The following KCNH4 variants were observed in gnomAD, a reference collection of about 807,000 sequenced individuals.
The protein encoded by KCNH4 is potassium voltage-gated channel subfamily H member 4.
Under a neutral mutation model 90.7 loss-of-function variants are expected in KCNH4, and 33 were observed. The observed-to-expected ratio is 0.36, with a 90% confidence interval of 0.28 to 0.49. The LOEUF (loss-of-function observed/expected upper bound fraction) is 0.49. Ranked by LOEUF, KCNH4 falls within the 20% of genes least tolerant of loss-of-function variation. KCNH4 has a pLI of 0.98. For missense variants in KCNH4, 1,044 were observed against 1,387.1 expected (o/e 0.75, Z 3.93); for synonymous variants, 551 against 581.7 (o/e 0.95, Z 0.76).
Position 42,163,239 on chromosome 17 carries a change from G to A in KCNH4, c.2573C>T (p.Ala858Val), listed in dbSNP as rs752782421. 3.1e-6 allele frequency: 5 copies of A among 1,612,998 alleles called. No individual in the cohort carries two copies. Among genetic ancestry groups the A allele is most frequent in the Non-Finnish European group, 4.2e-6 (5 of 1,178,998 alleles). The change falls in exon 14 of 17, where the codon GCG becomes GTG. Residue 858 changes from alanine to valine, a missense_variant. Transcript: ENST00000264661. This position sits in a 1 kb window ranked among gnomAD's most constrained non-coding sequence, Gnocchi z 5.4. ...RPELPRPRSQ[A>V]PPTGTRPSPE... ...CTGTTGGCCCTTACCTGTAGGGGGC[G>A]CCTGGGAGCGGGGCCTTGGCAGTTC...
chr17:42,181,114 T>G lies in KCNH4; in HGVS notation c.-169A>C. 2 of 599,184 alleles carry G rather than the reference T, an allele frequency of 3.3e-6. No homozygotes were observed. The highest frequency in any genetic ancestry group is 4.1e-5 in the South Asian group (2 of 48,890). 37.1% of individuals were successfully genotyped at this position (599,184 alleles called of 1,614,324 possible). A position where few individuals can be genotyped will look rare whatever the true frequency, so the allele number is the denominator to read the frequency against. On this transcript the variant is annotated 5_prime_UTR_variant, in exon 1 of 17. Transcript: ENST00000264661. ...CTGCCTCTGCTCCGAACCCCGTAGCTCTCGGCTCGGCTCAGCGCCGTTTCG... is the reference window on the plus strand; with the variant it reads ...CTGCCTCTGCTCCGAACCCCGTAGCGCTCGGCTCGGCTCAGCGCCGTTTCG...
Position 42,169,770 on chromosome 17 carries a change from G to A in KCNH4, c.1391-94C>T, listed in dbSNP as rs944162272. 5.5e-5 allele frequency: 73 copies of A among 1,331,882 alleles called. No individual in the cohort carries two copies. In the African/African-American group the frequency reaches 7.3e-4, roughly 13 times the overall value. 82.5% of individuals were successfully genotyped at this position (1,331,882 alleles called of 1,614,324 possible). A position where few individuals can be genotyped will look rare whatever the true frequency, so the allele number is the denominator to read the frequency against. On this transcript the variant is annotated intron_variant, in intron 8 of 16. Coordinates refer to ENST00000264661, the MANE Select transcript of KCNH4 (RefSeq NM_012285.3). The stretch of plus-strand genomic sequence containing the variant: ...ACCCTGTCCTGGACCAAGAGCCAGC[G>A]GGCTCCTGTGTGCCTACCAGGTGCC...
chr17:42,174,880 A>G (rs1411729624), intron 6 of KCNH4, among the ~76,000 whole-genome samples: 1 of 151,956 alleles, frequency 6.6e-6, no homozygotes, highest in Non-Finnish European at 1.5e-5. Context: ...TGCTCCCCCA[A>G]ATGCTTGCTG....
intron 7 of KCNH4, 121 bp downstream of exon 7, chr17:42,171,667 G>T (rs911342688): frequency 1.2e-5 from 11 of 920,966 alleles, no homozygotes; most frequent in Admixed American, 1.8e-5. Context: ...AGAGCTCAAC[G>T]CATGTTTGTT....
chr17:42,169,787 C>T (rs2079814369), intron 8 of KCNH4, 111 bp from the exon 9 acceptor site: 7 of 1,073,334 alleles, frequency 6.5e-6, no homozygotes, highest in African/African-American at 3.1e-5. Context: ...TGTGTGCCTA[C>T]CAGGTGCCAG....
intron 6 of KCNH4, among the ~76,000 whole-genome samples, chr17:42,173,815 C>T (rs1219649031): frequency 1.3e-5 from 2 of 150,488 alleles, no homozygotes; most frequent in African/African-American, 2.5e-5. Flanking sequence ...ATTCTCCTGC[C>T]TCAGCCTCCC....
chr17:42,169,950 C>T (rs1158114577), intron 8 of KCNH4, among the ~76,000 whole-genome samples, 157 bp downstream of exon 8: 1 of 152,240 alleles, frequency 6.6e-6, no homozygotes, highest in Admixed American at 6.5e-5. Flanking sequence ...AGGGCCAGCA[C>T]ATAGTGGGCA....
Position 42,176,204 on chromosome 17 carries a change from C to A in KCNH4, c.679G>T (p.Ala227Ser). The A allele has an allele frequency of 6.2e-7, 1 of 1,613,794 alleles. No individual in the cohort carries two copies. Among genetic ancestry groups the A allele is most frequent in the Non-Finnish European group, 8.5e-7 (1 of 1,179,916 alleles). The change falls in exon 5 of 17, where the codon GCC (alanine) becomes TCC (serine). Residue 227 changes from alanine to serine, a missense_variant. By Grantham distance (99) the Ala-to-Ser change is moderately conservative. Around this residue, in one of 4 missense-constraint regions of KCNH4, gnomAD observed 283 missense variants for 378.6 expected, o/e 0.75. Transcript: ENST00000264661. ...AGGAGGATAAGGCCGTCCCAGATGG[C>A]CTTGGAGACGCTGTAGTGGAGGAGG... ...CLLLHYSVSK[A>S]IWDGLILLAT...
In KCNH4 at chr17:42,180,485, G is replaced by T. The variant is rs1474615764; in HGVS notation, c.76+385C>A. 6.6e-6 allele frequency among the ~76,000 whole-genome samples: 1 copy of T among 152,102 alleles called. No homozygotes were observed. The highest frequency in any genetic ancestry group is 2.4e-5 in the African/African-American group (1 of 41,424). ...TCCTTTTTTTCTGGAGGTAGTGGGA[G>T]CTGGAGTCTGTGAGTAGACCCCAGA... is the stretch of plus-strand genomic sequence containing the variant. On this transcript the variant is annotated intron_variant, in intron 1 of 16. Transcript: ENST00000264661. This position sits in a 1 kb window ranked among gnomAD's most constrained non-coding sequence, Gnocchi z 4.7.
rs1262349645 is a variant in KCNH4 at position 42,169,660 on chromosome 17, C to T, written c.1407G>A (p.Val469=). 6.2e-7 allele frequency: 1 copy of T among 1,613,820 alleles called. No individual in the cohort carries two copies. The highest frequency in any genetic ancestry group is 8.5e-7 in the Non-Finnish European group (1 of 1,179,970). Reference sequence around the variant, plus strand: ...TGATGGCTGTCACGTTCCCGAACACCACAGCGTGCATCAGGGCTGCAGCAG... The same window carrying T: ...TGATGGCTGTCACGTTCCCGAACACTACAGCGTGCATCAGGGCTGCAGCAG... ...TMLIGALMHA[V]VFGNVTAIIQ... is the part of the protein sequence containing the mutation. Residue 469 remains valine (V), a synonymous_variant, in exon 9 of 17, where the codon GTG becomes GTA. Coordinates refer to ENST00000264661, the MANE Select transcript of KCNH4 (RefSeq NM_012285.3).
chr17:42,171,669 A>G (rs2079827676), intron 7 of KCNH4, 119 bp downstream of exon 7: 1 of 931,478 alleles, frequency 1.1e-6, no homozygotes, highest in Non-Finnish European at 1.8e-6. Flanking sequence ...AGCTCAACGC[A>G]TGTTTGTTGG....
chr17:42,162,899 C>G (rs1440220986), intron 14 of KCNH4, among the ~76,000 whole-genome samples: 1 of 152,150 alleles, frequency 6.6e-6, no homozygotes, highest in African/African-American at 2.4e-5. Context: ...AGCTCAATAA[C>G]TGTTTTGCTC....
chr17:42,161,952 C>CT (rs986564483), intron 15 of KCNH4, among the ~76,000 whole-genome samples: 5,092 of 122,242 alleles, frequency 0.042, 166 homozygotes, highest in Middle Eastern at 0.073. Flanking sequence ...ATATCTCTCT[C>CT]TTTTTTTTTT....
At position 42,163,568 on chromosome 17, in the gene KCNH4, T is replaced by G; in HGVS notation, c.2477+38A>C. 3 of 968,840 alleles carry G rather than the reference T, an allele frequency of 3.1e-6. No homozygotes were observed. Among genetic ancestry groups the G allele is most frequent in the South Asian group, 1.6e-5 (1 of 62,418 alleles). The allele number at this position is 968,840 out of a possible 1,614,324, so 60.0% of individuals were successfully genotyped here. A position where few individuals can be genotyped will look rare whatever the true frequency, so the allele number is the denominator to read the frequency against. Reference sequence around the variant, plus strand: ...GCCCAGAGAAGGTTCTGGAAGCCAATAGGGGTTTTGGGAAAGCAGGGGAGG... The same window carrying G: ...GCCCAGAGAAGGTTCTGGAAGCCAAGAGGGGTTTTGGGAAAGCAGGGGAGG... On this transcript the variant is annotated intron_variant, in intron 13 of 16. Coordinates refer to ENST00000264661, the MANE Select transcript of KCNH4 (RefSeq NM_012285.3). The surrounding 1 kb of genome is among the most constrained non-coding windows in gnomAD (Gnocchi z 5.4).
Position 42,172,015 on chromosome 17 carries a change from G to C in KCNH4, c.988-20C>G. 1 of 1,562,914 alleles carries C rather than the reference G, an allele frequency of 6.4e-7. No individual in the cohort carries two copies. Among genetic ancestry groups the C allele is most frequent in the Non-Finnish European group, 8.7e-7 (1 of 1,154,134 alleles). On this transcript the variant is annotated intron_variant, in intron 6 of 16. Coordinates refer to ENST00000264661, the MANE Select transcript of KCNH4 (RefSeq NM_012285.3). ...CGAGGTCTGCAGGAAGGTGGCGGGG[G>C]AGGCTGTCAGCAGGCACACCTCCTC...
chr17:42,166,037 GC>G (rs2079784817), intron 10 of KCNH4, among the ~76,000 whole-genome samples: 1 of 152,102 alleles, frequency 6.6e-6, no homozygotes, highest in Admixed American at 6.5e-5. Context: ...GGGAAGTGGA[GC>G]AATGGGAAAG....
intron 4 of KCNH4, among the ~76,000 whole-genome samples, chr17:42,177,367 T>A (rs916595406): frequency 6.7e-5 from 10 of 150,234 alleles, no homozygotes; most frequent in African/African-American, 2.4e-4. Context: ...ATTTTTAATT[T>A]TTTTTTTTTT....
At chr17:42,159,102 ACTGCAAC>A (rs1242484394) in intron 16 of KCNH4, among the ~76,000 whole-genome samples, 1 of 151,928 alleles carries the variant, frequency 6.6e-6, no homozygotes, top group African/African-American at 2.4e-5. Flanking sequence ...ATCTTGGCTC[ACTGCAAC>A]CTCCGCCTCC....
In KCNH4 at chr17:42,180,002, G is replaced by A. The variant is rs2079890027; in HGVS notation, c.76+868C>T. 6.6e-6 allele frequency among the ~76,000 whole-genome samples: 1 copy of A among 152,240 alleles called. No individual in the cohort carries two copies. The highest frequency in any genetic ancestry group is 2.4e-5 in the African/African-American group (1 of 41,468). On this transcript the variant is annotated intron_variant, in intron 1 of 16. Transcript: ENST00000264661. The surrounding 1 kb of genome is among the most constrained non-coding windows in gnomAD (Gnocchi z 4.7). Reference sequence around the variant, plus strand: ...GTCTGGGGGCAGGGAGGCTGATGGGGACACTGAAGGTGCCTGGGAGGCACT... The same window carrying A: ...GTCTGGGGGCAGGGAGGCTGATGGGAACACTGAAGGTGCCTGGGAGGCACT...
Sources: allele counts gnomAD v4.1 joint callset (sites outside exome capture counted in the v4.1 genomes callset), GRCh38; gene constraint gnomAD v4.1.1; regional missense constraint gnomAD v4.1.1; non-coding constraint Gnocchi (gnomAD v3.1); transcripts MANE v1.5; gene names NCBI Gene and HGNC (gene_info 2026-07-23, HGNC 2026-07-21).